The following SHANK2 variants were observed in gnomAD, a reference collection of about 807,000 sequenced individuals.
SHANK2 encodes the protein SH3 and multiple ankyrin repeat domains 2.
In SHANK2, 43 loss-of-function variants were observed where a neutral mutation model predicts 133.7. The observed-to-expected ratio is 0.32, with a 90% CI of 0.25 to 0.41. The LOEUF is 0.41. SHANK2 is among the 10% of genes least tolerant of loss of function. The probability of loss-of-function intolerance (pLI) is 1.00; values close to 1 mark genes in which losing one functional copy is unlikely to be tolerated. For missense variants in SHANK2, 1,994 were observed against 2,235.8 expected, an observed-to-expected ratio of 0.89 and a Z score of 2.18; for synonymous variants, 1,017 against 952.8, an observed-to-expected ratio of 1.07 and a Z score of -1.24.
In SHANK2 at chr11:70,619,964, C is replaced by G. The variant is rs529467261; in HGVS notation, c.2061+39864G>C. 3.7e-4 allele frequency among the ~76,000 whole-genome samples: 57 copies of G among 152,320 alleles called. 1 individual carries two copies. Among genetic ancestry groups the G allele is most frequent in the Non-Finnish European group, 8.8e-5 (6 of 68,026 alleles). Reference sequence around the variant, plus strand: ...GGAGGGGAGAGTTTTAAAAGAGCCACAAAGTACCCCGGAACTTAGAAGGAC... The same window carrying G: ...GGAGGGGAGAGTTTTAAAAGAGCCAGAAAGTACCCCGGAACTTAGAAGGAC... On this transcript the variant is annotated intron_variant, in intron 17 of 25. Coordinates refer to ENST00000601538, the MANE Select transcript of SHANK2 (RefSeq NM_012309.5).
chr11:71,169,322 CA>C (rs1166469194), intron 2 of SHANK2, among the ~76,000 whole-genome samples: 2 of 152,208 alleles, frequency 1.3e-5, no homozygotes, highest in African/African-American at 2.4e-5. Context: ...GCACATCCAG[CA>C]AGGCTGAGGT....
At chr11:71,102,752 C>A (rs1951736364) in intron 6 of SHANK2, among the ~76,000 whole-genome samples, 1 of 152,212 alleles carries the variant, frequency 6.6e-6, no homozygotes, top group South Asian at 2.1e-4. Flanking sequence ...ACTGCCTTTT[C>A]CCCCAGGAGT....
rs374704088 is a variant in SHANK2 at position 70,651,133 on chromosome 11, G to A, written c.2061+8695C>T. Among the ~76,000 whole-genome samples the A allele has an allele frequency of 6.6e-5, 10 of 152,296 alleles. No individual in the cohort carries two copies. The East Asian group carries it at 1.2e-3, about 18-fold the overall frequency. ...TATGGCACAGCCTGTGCCCTTGACC[G>A]CGGCTCCTCTCTGCCTCTCTCCAAC... On this transcript the variant is annotated intron_variant, in intron 17 of 25. Coordinates refer to ENST00000601538, the MANE Select transcript of SHANK2 (RefSeq NM_012309.5).
chr11:70,798,872 T>A (rs782221114), intron 13 of SHANK2, among the ~76,000 whole-genome samples: 19 of 152,320 alleles, frequency 1.2e-4, no homozygotes, highest in Middle Eastern at 3.4e-3. Context: ...CCCTGTAGCA[T>A]CTCTCAGTGT....
At chr11:70,628,806 GA>G (rs2136508449) in intron 17 of SHANK2, among the ~76,000 whole-genome samples, 1 of 152,334 alleles carries the variant, frequency 6.6e-6, no homozygotes, top group Admixed American at 6.5e-5. Context: ...GAGTGTCTAG[GA>G]AGAGTCTCTT....
intron 9 of SHANK2, among the ~76,000 whole-genome samples, chr11:71,073,142 C>CTTTTGTT (rs1951165821): frequency 2.4e-5 from 1 of 41,092 alleles, no homozygotes; most frequent in Non-Finnish European, 9.0e-5. Context: ...TTTTCTTTTT[C>CTTTTGTT]TTTTCTTTTT....
chr11:70,702,081 C>T (rs578137776), intron 14 of SHANK2, among the ~76,000 whole-genome samples: 5 of 151,406 alleles, frequency 3.3e-5, no homozygotes, highest in African/African-American at 4.9e-5. Context: ...ACATCATCAC[C>T]GCCATCATCA....
intron 2 of SHANK2, among the ~76,000 whole-genome samples, chr11:71,169,445 T>A (rs559632680): frequency 1.3e-5 from 2 of 152,202 alleles, no homozygotes; most frequent in Admixed American, 6.5e-5. Flanking sequence ...TACATAAGTC[T>A]ACACAGAATG....
intron 2 of SHANK2, among the ~76,000 whole-genome samples, chr11:71,149,411 C>T (rs1258031978): frequency 6.6e-6 from 1 of 152,194 alleles, no homozygotes; most frequent in African/African-American, 2.4e-5. Flanking sequence ...AATTTGCCCT[C>T]TAGAAACTCA....
chr11:71,102,208 T>C (rs1555096769), intron 6 of SHANK2, among the ~76,000 whole-genome samples: 1 of 152,046 alleles, frequency 6.6e-6, no homozygotes. Context: ...ATCTCAGAGT[T>C]TCCAACCAAA....
intron 17 of SHANK2, among the ~76,000 whole-genome samples, chr11:70,597,754 T>A (rs1287037345): frequency 2.6e-5 from 4 of 152,174 alleles, no homozygotes; most frequent in Non-Finnish European, 5.9e-5. Context: ...GCACCTGTAA[T>A]CCCAGCTACT....
chr11:71,117,036 TTAGA>T (rs1462384449), intron 4 of SHANK2, among the ~76,000 whole-genome samples: 1 of 152,170 alleles, frequency 6.6e-6, no homozygotes, highest in Non-Finnish European at 1.5e-5. Flanking sequence ...TGTTGTTGTT[TTAGA>T]TAGAGTTTCA....
intron 3 of SHANK2, among the ~76,000 whole-genome samples, chr11:71,128,498 G>T (rs1555103142): frequency 6.6e-6 from 1 of 152,180 alleles, no homozygotes; most frequent in East Asian, 1.9e-4. Flanking sequence ...GTCAGGAGCT[G>T]TGGAGACGGA....
chr11:71,072,934 T>G (rs1951161681), intron 9 of SHANK2, among the ~76,000 whole-genome samples: 1 of 151,932 alleles, frequency 6.6e-6, no homozygotes. Context: ...GAGTTTCAAT[T>G]TTGCAAGATT....
chr11:71,195,247 C>T (rs1261937508), intron 2 of SHANK2, among the ~76,000 whole-genome samples: 1 of 152,108 alleles, frequency 6.6e-6, no homozygotes, highest in Admixed American at 6.6e-5. Context: ...AAAAAATTAG[C>T]CAGGCGTGGT....
intron 11 of SHANK2, among the ~76,000 whole-genome samples, chr11:70,870,548 C>G (rs1040214523): frequency 3.9e-5 from 6 of 152,124 alleles, no homozygotes; most frequent in African/African-American, 1.4e-4. Flanking sequence ...GATGAATTGT[C>G]TCATGGTTCT....
At chr11:71,183,377 G>C (rs1271268304) in intron 2 of SHANK2, among the ~76,000 whole-genome samples, 2 of 152,176 alleles carry the variant, frequency 1.3e-5, no homozygotes, top group African/African-American at 2.4e-5. Context: ...GGACAATGAG[G>C]TGGTACTACC....
rs567198948 is a variant in SHANK2, at chr11:71,203,030, G to T, written c.-13+21667C>A. ...AATTGAGATATGGAAAACACTGTGTGTCCGCAGGACTGTACACACAGGCAT... is the reference window on the plus strand; with the variant it reads ...AATTGAGATATGGAAAACACTGTGTTTCCGCAGGACTGTACACACAGGCAT... On this transcript the variant is annotated intron_variant, in intron 2 of 25. Transcript: ENST00000601538. 6.6e-5 allele frequency among the ~76,000 whole-genome samples: 10 copies of T among 152,356 alleles called. No homozygotes were observed. In the South Asian group the frequency reaches 2.1e-3, roughly 32 times the overall value.
chr11:70,570,354 G>A (rs777440208), intron 17 of SHANK2, among the ~76,000 whole-genome samples: 2 of 152,266 alleles, frequency 1.3e-5, no homozygotes, highest in South Asian at 2.1e-4. Flanking sequence ...AGGCCCCAGC[G>A]CCTCCCTAGG....
Sources: gnomAD v4.1 joint callset for allele counts (sites outside exome capture counted in the v4.1 genomes callset) on GRCh38, gnomAD v4.1.1 for gene constraint, MANE v1.5 for transcripts, NCBI Gene and HGNC (gene_info 2026-07-23, HGNC 2026-07-21) for gene names.